Variants in SPINK5 observed in about 807,000 individuals in gnomAD.
SPINK5 encodes the protein serine peptidase inhibitor Kazal type 5.
Under a neutral mutation model 151.8 loss-of-function variants are expected in SPINK5, and 125 were observed. The ratio of observed to expected loss-of-function variants is 0.82; its 90% CI spans 0.71 to 0.96. The LOEUF is 0.96. SPINK5 is among the 40% of genes least tolerant of loss of function. The pLI, the probability that SPINK5 is intolerant of heterozygous loss-of-function variation, is 0.00. For missense variants in SPINK5, 1,194 were observed against 1,291.9 expected (o/e 0.92, Z 1.16); for synonymous variants, 374 against 395.3 (o/e 0.95, Z 0.64).
At position 148,114,332 on chromosome 5, in the gene SPINK5, T is replaced by G. The variant is rs536448369; in HGVS notation, c.1888-30T>G. 4 of 1,599,650 alleles carry G rather than the reference T, an allele frequency of 2.5e-6. No homozygotes were observed. The African/African-American group carries it at 4.0e-5, about 16-fold the overall frequency. ...AGTAAACTAATTTCCCAGAAGATAC[T>G]CAAGCTTTCTCCTTTTCTTTTCCTT... On this transcript the variant is annotated intron_variant, in intron 20 of 32. Coordinates refer to ENST00000256084, the MANE Select transcript of SPINK5 (RefSeq NM_006846.4).
chr5:148,081,403 A>G (rs953728883), intron 4 of SPINK5, among the ~76,000 whole-genome samples: 1 of 151,840 alleles, frequency 6.6e-6, no homozygotes, highest in Admixed American at 6.6e-5. Context: ...AACAAAAGGA[A>G]TATATTTATA....
intron 2 of SPINK5, among the ~76,000 whole-genome samples, chr5:148,067,754 G>A (rs1450055873): frequency 6.6e-6 from 1 of 152,108 alleles, no homozygotes; most frequent in Non-Finnish European, 1.5e-5. Flanking sequence ...GTCCAATTTA[G>A]GGATTATTCT....
chr5:148,136,632 G>C (rs4263489), intron 32 of SPINK5, among the ~76,000 whole-genome samples: 135,024 of 152,226 alleles, frequency 0.89, 60,256 homozygotes, highest in African/African-American at 0.97. Context: ...AAGTTATGAC[G>C]TAACATGACA....
At chr5:148,129,500 C>A in intron 30 of SPINK5, among the ~76,000 whole-genome samples, 1 of 103,696 alleles carries the variant, frequency 9.6e-6, no homozygotes. Flanking sequence ...AGTTGATGTA[C>A]TATGTTAAAA....
At chr5:148,133,763 C>G (rs374183908) in intron 31 of SPINK5, 34 bp from the exon 32 acceptor site, 1 of 1,606,546 alleles carries the variant, frequency 6.2e-7, no homozygotes. Flanking sequence ...CTGAGAACTT[C>G]CTCGTTGTTG....
At chr5:148,116,835 T>C (rs1754107383) in intron 22 of SPINK5, among the ~76,000 whole-genome samples, 1 of 152,194 alleles carries the variant, frequency 6.6e-6, no homozygotes, top group African/African-American at 2.4e-5. Flanking sequence ...TTTCTGTTGA[T>C]CCAAGGCAGC....
chr5:148,105,132 C>T (rs1472607163), intron 16 of SPINK5, 132 bp downstream of exon 16: 2 of 1,043,038 alleles, frequency 1.9e-6, no homozygotes, highest in Non-Finnish European at 2.8e-6. Flanking sequence ...CATTTTTAAC[C>T]TGAACAAAAA....
intron 28 of SPINK5, 177 bp downstream of exon 28, chr5:148,125,014 A>G (rs1412778862): frequency 3.3e-6 from 3 of 918,342 alleles, no homozygotes; most frequent in South Asian, 2.9e-5. Context: ...GGGGTTTGAT[A>G]CCTTTTTTGA....
At position 148,101,474 on chromosome 5, in the gene SPINK5, C is replaced by T. The variant is rs751128961; in HGVS notation, c.1302+38C>T. ...CCTCCAGCAACTCAGAGGGATATGGCCCTGAGGATCCACAGATCATGTTCA... is the reference window on the plus strand; with the variant it reads ...CCTCCAGCAACTCAGAGGGATATGGTCCTGAGGATCCACAGATCATGTTCA... On this transcript the variant is annotated intron_variant, in intron 14 of 32. Coordinates refer to ENST00000256084, the MANE Select transcript of SPINK5 (RefSeq NM_006846.4). The T allele has an allele frequency of 3.5e-6, 5 of 1,441,606 alleles. No individual in the cohort carries two copies. The East Asian group carries it at 6.8e-5, about 20-fold the overall frequency. 89.3% of individuals were successfully genotyped at this position (1,441,606 alleles called of 1,614,324 possible). A position where few individuals can be genotyped will look rare whatever the true frequency, so the allele number is the denominator to read the frequency against.
Position 148,118,427 on chromosome 5 carries a change from C to T in SPINK5, c.2113-10C>T. 1 of 1,614,048 alleles carries T rather than the reference C, an allele frequency of 6.2e-7. No individual in the cohort carries two copies. Among genetic ancestry groups the T allele is most frequent in the Non-Finnish European group, 8.5e-7 (1 of 1,179,956 alleles). On this transcript the variant is annotated splice_polypyrimidine_tract_variant and intron_variant, in intron 22 of 32. Coordinates refer to ENST00000256084, the MANE Select transcript of SPINK5 (RefSeq NM_006846.4). ...TAATCCAGGGGCTCTTCGTTCTTCT[C>T]TGTTTTCAGGACGAATGTGCTGAGT...
chr5:148,092,753 C>T (rs1371271079), intron 8 of SPINK5, among the ~76,000 whole-genome samples: 3 of 151,862 alleles, frequency 2.0e-5, no homozygotes, highest in African/African-American at 7.3e-5. Context: ...AGGTGACTGT[C>T]TTCTGCTTCT....
Position 148,125,861 on chromosome 5 carries a change from G to T in SPINK5, c.2867+11G>T. The T allele has an allele frequency of 6.2e-7, 1 of 1,614,160 alleles. No individual in the cohort carries two copies. Among genetic ancestry groups the T allele is most frequent in the Non-Finnish European group, 8.5e-7 (1 of 1,180,018 alleles). On this transcript the variant is annotated intron_variant, in intron 29 of 32. Coordinates refer to ENST00000256084, the MANE Select transcript of SPINK5 (RefSeq NM_006846.4). ...GTGCAGAGCTGTCTTGTGAGTAAGA[G>T]GATTCTGCTCCCCCTGTAGCTAGCA... is the stretch of plus-strand genomic sequence containing the variant.
intron 4 of SPINK5, 99 bp downstream of exon 4, chr5:148,072,319 T>C: frequency 7.8e-7 from 1 of 1,279,094 alleles, no homozygotes. Flanking sequence ...ATACCTGTTT[T>C]GAAGCCAACA....
chr5:148,117,222 T>C lies in SPINK5; in HGVS notation c.2112+756T>C, dbSNP rs148813018. On this transcript the variant is annotated intron_variant, in intron 22 of 32. Transcript: ENST00000256084. ...ATAAACTCTGGCTATTCTGTTTTTT[T>C]CCCATCTTTTTTGCTTTAGGAGGCT... is the stretch of plus-strand genomic sequence containing the variant. 1.3e-3 allele frequency among the ~76,000 whole-genome samples: 197 copies of C among 152,344 alleles called. 1 individual carries two copies. Among genetic ancestry groups the C allele is most frequent in the African/African-American group, 4.6e-3 (191 of 41,578 alleles).
intron 32 of SPINK5, 86 bp downstream of exon 32, chr5:148,133,973 C>T (rs1289710977): frequency 1.4e-6 from 2 of 1,392,514 alleles, no homozygotes; most frequent in African/African-American, 2.8e-5. Context: ...GAGTAATGGA[C>T]ATTTATCTGG....
chr5:148,101,010 G>A (rs1753627844), intron 13 of SPINK5, among the ~76,000 whole-genome samples: 1 of 152,112 alleles, frequency 6.6e-6, no homozygotes, highest in Admixed American at 6.6e-5. Context: ...GACTTTACAG[G>A]CAGATTAAAG....
intron 4 of SPINK5, among the ~76,000 whole-genome samples, chr5:148,074,859 A>G (rs1009974382): frequency 6.6e-6 from 1 of 151,702 alleles, no homozygotes; most frequent in Non-Finnish European, 1.5e-5. Flanking sequence ...AATTTTTGTT[A>G]ATATTTTTAA....
rs2303060 is a variant in SPINK5, at chr5:148,100,291, T to A, written c.1093-163T>A. Among the ~76,000 whole-genome samples the A allele has an allele frequency of 5.6e-4, 85 of 152,216 alleles. 1 individual carries two copies. The East Asian group carries it at 0.015, about 27-fold the overall frequency. ...TTTTTTCCTATCTCTTGGCATATGATGTTTTTCTTGTTGTCAAATTGAATT... is the reference window on the plus strand; with the variant it reads ...TTTTTTCCTATCTCTTGGCATATGAAGTTTTTCTTGTTGTCAAATTGAATT... On this transcript the variant is annotated intron_variant, in intron 12 of 32. Transcript: ENST00000256084.
intron 32 of SPINK5, among the ~76,000 whole-genome samples, chr5:148,136,217 T>C (rs1011298869): frequency 3.3e-5 from 5 of 152,178 alleles, no homozygotes; most frequent in African/African-American, 9.7e-5. Context: ...GAAATTTCTA[T>C]ATTAAGAAAA....
Sources: gnomAD v4.1 joint callset for allele counts (sites outside exome capture counted in the v4.1 genomes callset) on GRCh38, gnomAD v4.1.1 for gene constraint, MANE v1.5 for transcripts, NCBI Gene and HGNC (gene_info 2026-07-23, HGNC 2026-07-21) for gene names.